HS3ST2: variants seen among roughly 807,000 people sequenced by gnomAD.
HS3ST2 encodes heparan sulfate glucosamine 3-O-sulfotransferase 2.
HS3ST2 carries 17 observed loss-of-function variants against 26.3 expected under a neutral mutation model. The ratio of observed to expected loss-of-function variants is 0.65; its 90% confidence interval spans 0.44 to 0.97. HS3ST2 has a LOEUF of 0.97. Among genes scored for constraint, HS3ST2 ranks in the 50% least tolerant of loss-of-function variants. The pLI is 0.00. For missense variants in HS3ST2, 402 were observed against 501.2 expected, an observed-to-expected ratio of 0.80 and a Z score of 1.89; for synonymous variants, 237 against 219.2, an observed-to-expected ratio of 1.08 and a Z score of -0.72.
intron 1 of HS3ST2, among the ~76,000 whole-genome samples, chr16:22,885,176 CT>C (rs1902044119): frequency 6.6e-6 from 1 of 152,082 alleles, no homozygotes; most frequent in Admixed American, 6.5e-5. Context: ...ATTGCCACCC[CT>C]CCCCCATCCC....
chr16:22,826,133 G>T (rs1371362673), intron 1 of HS3ST2, among the ~76,000 whole-genome samples: 1 of 152,202 alleles, frequency 6.6e-6, no homozygotes, highest in African/African-American at 2.4e-5. Context: ...ATGAGAAAGA[G>T]AATTAATCTC....
intron 1 of HS3ST2, among the ~76,000 whole-genome samples, chr16:22,889,767 T>C (rs1902106594): frequency 6.6e-6 from 1 of 152,160 alleles, no homozygotes; most frequent in African/African-American, 2.4e-5. Flanking sequence ...GATTTGTGTT[T>C]TTCACTAAAA....
At chr16:22,903,551 G>T (rs969617146) in intron 1 of HS3ST2, among the ~76,000 whole-genome samples, 2 of 152,156 alleles carry the variant, frequency 1.3e-5, no homozygotes, top group African/African-American at 4.8e-5. Context: ...GATCATAACT[G>T]TCACATCTCT....
At chr16:22,825,745 C>T (rs182209121) in intron 1 of HS3ST2, among the ~76,000 whole-genome samples, 11 of 152,254 alleles carry the variant, frequency 7.2e-5, no homozygotes, top group East Asian at 1.9e-4. Context: ...AAGTGGTTGC[C>T]GGGAGCGGGG....
At chr16:22,878,610 CA>C (rs149361761) in intron 1 of HS3ST2, among the ~76,000 whole-genome samples, 19 of 149,178 alleles carry the variant, frequency 1.3e-4, no homozygotes, top group Admixed American at 6.0e-4. Flanking sequence ...CTAACAGGGT[CA>C]AAAAAAAAGA....
intron 1 of HS3ST2, among the ~76,000 whole-genome samples, chr16:22,837,828 A>G (rs1056193039): frequency 6.6e-6 from 1 of 151,972 alleles, no homozygotes; most frequent in African/African-American, 2.4e-5. Context: ...TTATTTTACT[A>G]TACTCGTTCT....
intron 1 of HS3ST2, among the ~76,000 whole-genome samples, chr16:22,821,444 C>T (rs892260807): frequency 7.9e-5 from 12 of 151,020 alleles, no homozygotes; most frequent in Admixed American, 2.0e-4. Context: ...TGCATGGGGA[C>T]GGGGTGGGGG....
chr16:22,854,468 G>T (rs935222648), intron 1 of HS3ST2, among the ~76,000 whole-genome samples: 2 of 151,592 alleles, frequency 1.3e-5, no homozygotes, highest in African/African-American at 4.9e-5. Flanking sequence ...ACTTGTTTTG[G>T]TATCTTGTTC....
At chr16:22,835,066 T>C (rs1332402273) in intron 1 of HS3ST2, among the ~76,000 whole-genome samples, 2 of 152,194 alleles carry the variant, frequency 1.3e-5, no homozygotes, top group African/African-American at 4.8e-5. Context: ...TGAATTTGGC[T>C]TGGTTCTACA....
intron 1 of HS3ST2, among the ~76,000 whole-genome samples, chr16:22,842,789 G>A (rs776832578): frequency 2.0e-4 from 30 of 152,018 alleles, no homozygotes; most frequent in South Asian, 4.2e-4. Flanking sequence ...TAGTCTCTCC[G>A]TGTTGAGCTA....
chr16:22,868,278 A>G (rs1017491397), intron 1 of HS3ST2, among the ~76,000 whole-genome samples: 3 of 151,874 alleles, frequency 2.0e-5, no homozygotes, highest in African/African-American at 7.3e-5. Flanking sequence ...GCGTGGTGGC[A>G]TGCACCCGTA....
In HS3ST2 at chr16:22,890,530, G is replaced by A. The variant is rs208618; in HGVS notation, c.486-24414G>A. 1.2e-4 allele frequency among the ~76,000 whole-genome samples: 18 copies of A among 152,064 alleles called. No individual in the cohort carries two copies. The East Asian group carries it at 2.3e-3, about 20-fold the overall frequency. ...GCAATAGGTGACCTTCTTGAGGAAG[G>A]CTCTTTTAATGCAAAAACACATATA... is the stretch of plus-strand genomic sequence containing the variant. On this transcript the variant is annotated intron_variant, in intron 1 of 1. Transcript: ENST00000261374.
intron 1 of HS3ST2, among the ~76,000 whole-genome samples, chr16:22,863,951 T>C (rs1901713871): frequency 6.6e-6 from 1 of 152,178 alleles, no homozygotes; most frequent in African/African-American, 2.4e-5. Flanking sequence ...CAAGTTCGAG[T>C]GACAGAAAAC....
intron 1 of HS3ST2, among the ~76,000 whole-genome samples, chr16:22,843,280 C>T (rs1749784026): frequency 6.6e-6 from 1 of 151,956 alleles, no homozygotes; most frequent in Non-Finnish European, 1.5e-5. Flanking sequence ...GTTAATTTCC[C>T]ATCACCAAGC....
Position 22,842,505 on chromosome 16 carries a change from A to G in HS3ST2, c.485+27410A>G, listed in dbSNP as rs534728512. Among the ~76,000 whole-genome samples, 3 of 152,084 alleles carry G rather than the reference A, an allele frequency of 2.0e-5. No individual in the cohort carries two copies. The South Asian group carries it at 6.2e-4, about 32-fold the overall frequency. On this transcript the variant is annotated intron_variant, in intron 1 of 1. Transcript: ENST00000261374. The stretch of plus-strand genomic sequence containing the variant: ...AAGGTATTCCTCTTATCTAATTGAA[A>G]TTTTGTATCCTTTGACCCACATCTC...
At chr16:22,846,611 C>CA (rs1157346936) in intron 1 of HS3ST2, among the ~76,000 whole-genome samples, 1 of 152,086 alleles carries the variant, frequency 6.6e-6, no homozygotes, top group Admixed American at 6.5e-5. Flanking sequence ...ATTAGACTGG[C>CA]AAAAATCAGA....
rs556205821 is a variant in HS3ST2, at chr16:22,816,877, A to G, written c.485+1782A>G. Among the ~76,000 whole-genome samples the G allele has an allele frequency of 5.9e-5, 9 of 152,332 alleles. No homozygotes were observed. The South Asian group carries it at 1.7e-3, about 28-fold the overall frequency. The stretch of plus-strand genomic sequence containing the variant: ...AAGTGCCTTTTAAGTGCAAAACAGC[A>G]AAATTCTGAGCATCTGGCTTTCAGA... On this transcript the variant is annotated intron_variant, in intron 1 of 1. Transcript: ENST00000261374.
At chr16:22,850,867 TC>T (rs1202300300) in intron 1 of HS3ST2, among the ~76,000 whole-genome samples, 1 of 152,140 alleles carries the variant, frequency 6.6e-6, no homozygotes, top group African/African-American at 2.4e-5. Context: ...CAGCCGCAGT[TC>T]TGCAGTTGAA....
At position 22,857,990 on chromosome 16, in the gene HS3ST2, A is replaced by G. The variant is rs142591297; in HGVS notation, c.485+42895A>G. ...TTTTGCGGTGGTTGTTCTTTGATTC[A>G]CTTTACCAACCTTCACTGATGTCTA... is the stretch of plus-strand genomic sequence containing the variant. On this transcript the variant is annotated intron_variant, in intron 1 of 1. Coordinates refer to ENST00000261374, the MANE Select transcript of HS3ST2 (RefSeq NM_006043.2). Among the ~76,000 whole-genome samples, 1,492 of 152,204 alleles carry G rather than the reference A, an allele frequency of 9.8e-3. 25 individuals carry two copies. Among genetic ancestry groups the G allele is most frequent in the African/African-American group, 0.035 (1,437 of 41,524 alleles).
Sources: allele counts gnomAD v4.1 joint callset (sites outside exome capture counted in the v4.1 genomes callset), GRCh38; gene constraint gnomAD v4.1.1; transcripts MANE v1.5; gene names NCBI Gene and HGNC (gene_info 2026-07-23, HGNC 2026-07-21).